Variants in ATP6V1E2 observed in about 807,000 individuals in gnomAD.
ATP6V1E2 encodes the protein V-type proton ATPase subunit E 2.
For missense variants in ATP6V1E2, 308 were observed against 273.3 expected, an observed-to-expected ratio of 1.13 and a Z score of -0.90; for synonymous variants, 121 against 104.2, an observed-to-expected ratio of 1.16 and a Z score of -0.98.
chr2:46,525,553 G>C lies in ATP6V1E2; in HGVS notation c.-102+10260C>G, dbSNP rs1558663096. ...CTTGGGAGAGAAGGCAAGGGCGAGAGAGTTCATTTGGTCTAGAAGTAACAG... is the reference window on the plus strand; with the variant it reads ...CTTGGGAGAGAAGGCAAGGGCGAGACAGTTCATTTGGTCTAGAAGTAACAG... On this transcript the variant is annotated intron_variant, in intron 4 of 4. Transcript: ENST00000522587. Among the ~76,000 whole-genome samples, 3 of 151,678 alleles carry C rather than the reference G, an allele frequency of 2.0e-5. No homozygotes were observed. In the South Asian group the frequency reaches 6.2e-4, roughly 31 times the overall value.
chr2:46,526,488 C>A (rs188960705), intron 4 of ATP6V1E2, among the ~76,000 whole-genome samples: 11 of 152,290 alleles, frequency 7.2e-5, no homozygotes, highest in Non-Finnish European at 1.5e-4. Flanking sequence ...ATCTCCAGAA[C>A]TTTTTCGTCT....
chr2:46,517,717 G>A lies in ATP6V1E2; in HGVS notation c.-101-4905C>T, dbSNP rs145323047. ...ATTTCTCTAAAGAAGACATACAAAG[G>A]CCAACAGGCATAGGAAAACATCATG... is the stretch of plus-strand genomic sequence containing the variant. On this transcript the variant is annotated intron_variant, in intron 4 of 4. Transcript: ENST00000522587. Among the ~76,000 whole-genome samples the A allele has an allele frequency of 3.3e-5, 5 of 152,188 alleles. No individual in the cohort carries two copies. In the East Asian group the frequency reaches 9.6e-4, roughly 29 times the overall value.
intron 4 of ATP6V1E2, among the ~76,000 whole-genome samples, chr2:46,522,152 T>A (rs1009905501): frequency 2.0e-5 from 3 of 151,164 alleles, no homozygotes; most frequent in African/African-American, 4.9e-5. Context: ...TAGCCAGGAA[T>A]GATGGTGTGC....
chr2:46,517,543 G>C (rs1267571322), intron 4 of ATP6V1E2, among the ~76,000 whole-genome samples: 1 of 152,176 alleles, frequency 6.6e-6, no homozygotes, highest in Non-Finnish European at 1.5e-5. Context: ...AGAGTGAAAA[G>C]GTCACCAATG....
At chr2:46,519,212 G>C (rs1229684261) in intron 4 of ATP6V1E2, 2 of 152,244 alleles carry the variant, frequency 1.3e-5, no homozygotes, top group Non-Finnish European at 2.9e-5. Flanking sequence ...TCTCAGTTAA[G>C]TTGGCACATG....
At position 46,535,326 on chromosome 2, in the gene ATP6V1E2, T is replaced by C. The variant is rs1667392693; in HGVS notation, c.-102+487A>G. Reference sequence around the variant, plus strand: ...ACTCCCTCTACATGAAGCACATTAATAAAGTGATCTGCTTCTCCAGTCTCT... The same window carrying C: ...ACTCCCTCTACATGAAGCACATTAACAAAGTGATCTGCTTCTCCAGTCTCT... On this transcript the variant is annotated intron_variant, in intron 4 of 4. Transcript: ENST00000522587. The surrounding 1 kb of genome is among the most constrained non-coding windows in gnomAD (Gnocchi z 4.4). 1 of 152,210 alleles carries C rather than the reference T, an allele frequency of 6.6e-6. No individual in the cohort carries two copies. Among genetic ancestry groups the C allele is most frequent in the Non-Finnish European group, 1.5e-5 (1 of 68,032 alleles). 9.4% of individuals were successfully genotyped at this position (152,210 alleles called of 1,614,324 possible).
chr2:46,512,780 T>A lies in ATP6V1E2; in HGVS notation c.-69A>T, dbSNP rs959527232. The stretch of plus-strand genomic sequence containing the variant: ...TTTGGCTCCTTTGACTTAGGACAAT[T>A]TCAGGAGTGTCTCTGGAGTTCCACT... On this transcript the variant is annotated 5_prime_UTR_variant, in exon 5 of 5. Coordinates refer to ENST00000522587, the MANE Select transcript of ATP6V1E2 (RefSeq NM_001318063.2). 1.1e-5 allele frequency: 15 copies of A among 1,356,562 alleles called. No individual in the cohort carries two copies. The East Asian group carries it at 3.3e-4, about 30-fold the overall frequency. The allele number at this position is 1,356,562 out of a possible 1,614,324, so 84.0% of individuals were successfully genotyped here.
intron 4 of ATP6V1E2, 46 bp from the exon 5 acceptor site, chr2:46,512,858 G>C (rs1687539272): frequency 2.9e-6 from 2 of 701,152 alleles, no homozygotes; most frequent in Non-Finnish European, 4.7e-6. Flanking sequence ...AGAGGCTATA[G>C]AGGAGGATTA....
At chr2:46,524,881 A>ATGTC (rs1044912636) in intron 4 of ATP6V1E2, among the ~76,000 whole-genome samples, 13 of 152,180 alleles carry the variant, frequency 8.5e-5, no homozygotes, top group African/African-American at 3.1e-4. Flanking sequence ...AAGGGTGGAA[A>ATGTC]TGTCTGCCTG....
At chr2:46,520,490 G>A (rs897488169) in intron 4 of ATP6V1E2, among the ~76,000 whole-genome samples, 3 of 152,212 alleles carry the variant, frequency 2.0e-5, no homozygotes, top group African/African-American at 7.2e-5. Context: ...CTCGGCTCTC[G>A]TGAACCCTTC....
rs929314624 is a variant in ATP6V1E2, at chr2:46,530,768, C to T, written c.-102+5045G>A. The stretch of plus-strand genomic sequence containing the variant: ...ATCATGGCAGAAAGCAAAGGGGAAG[C>T]AAGACACGTCTTACATGGCAGCAGG... On this transcript the variant is annotated intron_variant, in intron 4 of 4. Coordinates refer to ENST00000522587, the MANE Select transcript of ATP6V1E2 (RefSeq NM_001318063.2). This position sits in a 1 kb window ranked among gnomAD's most constrained non-coding sequence, Gnocchi z 5.2. 1.2e-4 allele frequency among the ~76,000 whole-genome samples: 19 copies of T among 152,216 alleles called. No individual in the cohort carries two copies. The highest frequency in any genetic ancestry group is 5.9e-5 in the Non-Finnish European group (4 of 68,034).
rs1572714078 is a variant in ATP6V1E2 at position 46,530,723 on chromosome 2, A to G, written c.-102+5090T>C. Among the ~76,000 whole-genome samples the G allele has an allele frequency of 6.6e-6, 1 of 152,230 alleles. No individual in the cohort carries two copies. The highest frequency in any genetic ancestry group is 1.5e-5 in the Non-Finnish European group (1 of 68,040). On this transcript the variant is annotated intron_variant, in intron 4 of 4. Transcript: ENST00000522587. This position sits in a 1 kb window ranked among gnomAD's most constrained non-coding sequence, Gnocchi z 5.2. ...AGGTTTCATTGACTCACAGTTCAGC[A>G]TGTCTGGGGAGGCCTTACAATCATG...
intron 2 of ATP6V1E2, among the ~76,000 whole-genome samples, chr2:46,539,150 C>T (rs746169931): frequency 6.6e-6 from 1 of 152,144 alleles, no homozygotes; most frequent in Non-Finnish European, 1.5e-5. Flanking sequence ...TCTGGATAGA[C>T]AAACCAATAG....
intron 4 of ATP6V1E2, among the ~76,000 whole-genome samples, chr2:46,518,490 A>ACACAC (rs1471974728): frequency 7.1e-6 from 1 of 140,908 alleles, no homozygotes; most frequent in Non-Finnish European, 1.5e-5. Flanking sequence ...ACACACACAC[A>ACACAC]ACACACACAC....
chr2:46,532,531 AC>A (rs1271906004), intron 4 of ATP6V1E2, among the ~76,000 whole-genome samples: 1 of 152,008 alleles, frequency 6.6e-6, no homozygotes, highest in Non-Finnish European at 1.5e-5. Flanking sequence ...TGGAACTTAA[AC>A]CCCAAGGTGA....
chr2:46,527,703 A>G (rs1666992215), intron 4 of ATP6V1E2, among the ~76,000 whole-genome samples: 1 of 152,090 alleles, frequency 6.6e-6, no homozygotes, highest in Non-Finnish European at 1.5e-5. Context: ...GTTTTTAAAT[A>G]ATAGCCATCC....
At chr2:46,518,222 A>G (rs1666387009) in intron 4 of ATP6V1E2, among the ~76,000 whole-genome samples, 1 of 152,190 alleles carries the variant, frequency 6.6e-6, no homozygotes, top group Non-Finnish European at 1.5e-5. Flanking sequence ...TGAGGACATA[A>G]TTCTAAGTAA....
At chr2:46,526,994 C>A (rs1394800348) in intron 4 of ATP6V1E2, among the ~76,000 whole-genome samples, 2 of 152,208 alleles carry the variant, frequency 1.3e-5, no homozygotes, top group Non-Finnish European at 2.9e-5. Flanking sequence ...CAGTTCACAG[C>A]AATGCACATG....
At chr2:46,529,774 G>GATAATA (rs35889031) in intron 4 of ATP6V1E2, among the ~76,000 whole-genome samples, 7 of 150,836 alleles carry the variant, frequency 4.6e-5, no homozygotes, top group Admixed American at 1.3e-4. Flanking sequence ...TGATGATGAT[G>GATAATA]ATAATAATAA....
Sources: gnomAD v4.1 joint callset for allele counts (sites outside exome capture counted in the v4.1 genomes callset) on GRCh38, gnomAD v4.1.1 for gene constraint, Gnocchi (gnomAD v3.1) non-coding constraint, MANE v1.5 for transcripts, NCBI Gene and HGNC (gene_info 2026-07-23, HGNC 2026-07-21) for gene names.